Variants in STK39 observed in about 807,000 individuals in gnomAD.
STK39 encodes the protein STE20/SPS1-related proline-alanine-rich protein kinase.
In STK39, 20 loss-of-function variants were observed where a neutral mutation model predicts 77.8. That is an observed-to-expected ratio of 0.26 (90% CI 0.18 to 0.37). The LOEUF is 0.37. STK39 is among the 10% of genes least tolerant of loss of function. The pLI, the probability that STK39 is intolerant of heterozygous loss-of-function variation, is 1.00. For missense variants in STK39, 479 were observed against 656.5 expected (o/e 0.73, Z 2.95); for synonymous variants, 246 against 234.1 (o/e 1.05, Z -0.47).
intron 5 of STK39, among the ~76,000 whole-genome samples, chr2:168,144,567 A>G (rs1325931785): frequency 3.3e-5 from 5 of 151,934 alleles, no homozygotes; most frequent in Admixed American, 2.0e-4. Context: ...CAGCCTCCCA[A>G]CGTGCTGGAA....
chr2:168,202,928 G>A (rs1256679819), intron 1 of STK39, among the ~76,000 whole-genome samples: 1 of 152,146 alleles, frequency 6.6e-6, no homozygotes, highest in Non-Finnish European at 1.5e-5. Flanking sequence ...ATATACTGAT[G>A]AGTGCAATGC....
At chr2:168,055,574 A>G (rs12479070) in intron 14 of STK39, among the ~76,000 whole-genome samples, 11,032 of 152,246 alleles carry the variant, frequency 0.072, 667 homozygotes, top group East Asian at 0.2. Context: ...ATTCATGATG[A>G]GCAAATTGAT....
intron 10 of STK39, among the ~76,000 whole-genome samples, chr2:168,089,064 C>T (rs897181023): frequency 6.6e-6 from 1 of 152,202 alleles, no homozygotes; most frequent in African/African-American, 2.4e-5. Context: ...TCCCTCACAC[C>T]GGTGGTCCTC....
chr2:167,959,932 C>T (rs1201367058), intron 17 of STK39, among the ~76,000 whole-genome samples: 2 of 152,150 alleles, frequency 1.3e-5, no homozygotes, highest in African/African-American at 2.4e-5. Context: ...CCAGGATCCC[C>T]TAGAAGGGTC....
At chr2:168,018,320 T>C (rs1684467114) in intron 14 of STK39, among the ~76,000 whole-genome samples, 1 of 151,846 alleles carries the variant, frequency 6.6e-6, no homozygotes, top group South Asian at 2.1e-4. Flanking sequence ...GCCAACATGG[T>C]GAAACCCCAT....
rs1339314598 is a variant in STK39 at position 167,954,314 on chromosome 2, A to G, written c.*1182T>C. ...ATTAGACTCCAATTTTCAAAATCCT[A>G]AGGTTTACTAGTTCCATAATATACA... On this transcript the variant is annotated 3_prime_UTR_variant, in exon 18 of 18. Transcript: ENST00000355999. The G allele has an allele frequency of 6.6e-6, 1 of 152,552 alleles. No homozygotes were observed. The highest frequency in any genetic ancestry group is 2.4e-5 in the African/African-American group (1 of 41,414). 9.4% of individuals were successfully genotyped at this position (152,552 alleles called of 1,614,324 possible).
chr2:167,964,383 C>A (rs545919712), intron 17 of STK39: 58 of 333,810 alleles, frequency 1.7e-4, no homozygotes, highest in African/African-American at 1.3e-3. Flanking sequence ...ATACAAACTG[C>A]AAGCAAAATG....
At chr2:168,221,262 T>G (rs1690160837) in intron 1 of STK39, among the ~76,000 whole-genome samples, 1 of 152,224 alleles carries the variant, frequency 6.6e-6, no homozygotes, top group African/African-American at 2.4e-5. Context: ...GTTATTTCTC[T>G]TCCTTGTTGA....
intron 1 of STK39, among the ~76,000 whole-genome samples, chr2:168,234,484 A>G (rs1158266014): frequency 6.6e-6 from 1 of 152,186 alleles, no homozygotes; most frequent in Non-Finnish European, 1.5e-5. Context: ...ATAAAATATC[A>G]GCCCCGCATA....
At chr2:168,173,905 C>G (rs1387360274) in intron 2 of STK39, among the ~76,000 whole-genome samples, 1 of 152,178 alleles carries the variant, frequency 6.6e-6, no homozygotes, top group Non-Finnish European at 1.5e-5. Context: ...ACTCTTGCCT[C>G]CTTTATAAGA....
chr2:168,055,952 G>A (rs377063519), intron 14 of STK39, among the ~76,000 whole-genome samples: 5 of 152,074 alleles, frequency 3.3e-5, no homozygotes, highest in East Asian at 1.9e-4. Flanking sequence ...TACCTTGTAC[G>A]GGCTTTATGA....
intron 5 of STK39, 130 bp downstream of exon 5, chr2:168,161,657 A>G: frequency 1.6e-6 from 1 of 628,292 alleles, no homozygotes; most frequent in Non-Finnish European, 2.6e-6. Context: ...TTCGGACCCA[A>G]ACATTCTGTA....
intron 10 of STK39, among the ~76,000 whole-genome samples, chr2:168,088,153 T>G (rs563429002): frequency 6.6e-6 from 1 of 152,350 alleles, no homozygotes; most frequent in South Asian, 2.1e-4. Flanking sequence ...AAAATATTCC[T>G]AATATTCTAA....
At chr2:168,202,481 T>C (rs780144923) in intron 1 of STK39, among the ~76,000 whole-genome samples, 3 of 152,166 alleles carry the variant, frequency 2.0e-5, no homozygotes, top group Non-Finnish European at 2.9e-5. Flanking sequence ...CACACTTTTC[T>C]TAAGTGGCAG....
At position 168,247,307 on chromosome 2, in the gene STK39, C is replaced by CGGGGCG; in HGVS notation, c.128_129insCGCCCC (p.Pro49_Ala50dup). 1 of 1,036,676 alleles carries CGGGGCG rather than the reference C, an allele frequency of 9.6e-7. No individual in the cohort carries two copies. The highest frequency in any genetic ancestry group is 4.4e-5 in the South Asian group (1 of 22,540). 64.2% of individuals were successfully genotyped at this position (1,036,676 alleles called of 1,614,324 possible). A position where few individuals can be genotyped will look rare whatever the true frequency, so the allele number is the denominator to read the frequency against. On this transcript the variant is annotated inframe_insertion, in exon 1 of 18. Transcript: ENST00000355999. ...GTGCCGCCGGGGCCGGGGCCGGGGC[C>CGGGGCG]GGGGCCGCGGGAGCTGCCGGGGCCG...
intron 15 of STK39, 118 bp downstream of exon 15, chr2:168,016,921 CTCCT>C: frequency 1.6e-5 from 11 of 701,068 alleles, no homozygotes; most frequent in South Asian, 2.6e-5. Flanking sequence ...CTGTCTATCT[CTCCT>C]TCCTTCCTTC....
At chr2:168,016,839 T>C (rs1427093411) in intron 15 of STK39, among the ~76,000 whole-genome samples, 2 of 152,230 alleles carry the variant, frequency 1.3e-5, no homozygotes, top group South Asian at 2.1e-4. Flanking sequence ...CTGTGCCGCA[T>C]GTGTCACTGA....
intron 14 of STK39, among the ~76,000 whole-genome samples, chr2:168,026,946 G>A (rs577105331): frequency 6.6e-6 from 1 of 152,026 alleles, no homozygotes; most frequent in African/African-American, 2.4e-5. Context: ...CGTGAGATCT[G>A]GTCTCTACAC....
At chr2:168,048,763 C>A (rs867323174) in intron 14 of STK39, among the ~76,000 whole-genome samples, 2 of 152,170 alleles carry the variant, frequency 1.3e-5, no homozygotes, top group Non-Finnish European at 1.5e-5. Flanking sequence ...TAATTAGCAA[C>A]CCCGCCACCT....
Sources: gnomAD v4.1 joint callset for allele counts (sites outside exome capture counted in the v4.1 genomes callset) on GRCh38, gnomAD v4.1.1 for gene constraint, MANE v1.5 for transcripts, NCBI Gene and HGNC (gene_info 2026-07-23, HGNC 2026-07-21) for gene names.